EIF2AK1: variants seen among roughly 807,000 people sequenced by gnomAD.
EIF2AK1 encodes eukaryotic translation initiation factor 2-alpha kinase 1.
In EIF2AK1, 54 loss-of-function variants were observed where a neutral mutation model predicts 77.9. The ratio of observed to expected loss-of-function variants is 0.69; its 90% CI spans 0.56 to 0.87. The LOEUF (loss-of-function observed/expected upper bound fraction) is 0.87, where lower values mean the gene tolerates loss of function less well. Among genes scored for constraint, EIF2AK1 ranks in the 40% least tolerant of loss-of-function variants. EIF2AK1 has a pLI of 0.00. For synonymous variants in EIF2AK1, 314 were observed against 290.5 expected (o/e 1.08, Z -0.82); for missense variants, 810 against 768.6 (o/e 1.05, Z -0.64).
chr7:6,058,245 GC>G, intron 1 of EIF2AK1: 5 of 412,932 alleles, frequency 1.2e-5, no homozygotes, highest in African/African-American at 4.4e-5. Flanking sequence ...CCACATCTCT[GC>G]AAAAAAAAAA....
In EIF2AK1 at chr7:6,028,668, T is replaced by A; in HGVS notation, c.1477A>T (p.Thr493Ser). 2 of 1,614,226 alleles carry A rather than the reference T, an allele frequency of 1.2e-6. No homozygotes were observed. The highest frequency in any genetic ancestry group is 1.7e-6 in the Non-Finnish European group (2 of 1,180,020). ...RTPTHTSRVGTCLYASPEQLE... is the reference protein window; with the variant it reads ...RTPTHTSRVGSCLYASPEQLE... ...TGTTCGGGTGAAGCGTACAGACAAG[T>A]ACCCACTCTGGACGTATGTGTTGGT... Residue 493 changes from threonine (T) to serine (S), a missense_variant, in exon 13 of 15, where the codon ACT becomes TCT. Physicochemically the swap from Thr to Ser is moderately conservative, Grantham distance 58 (BLOSUM62 1). Around this residue, in one of 3 missense-constraint regions of EIF2AK1, gnomAD observed 549 missense variants for 533.7 expected, o/e 1.03. Transcript: ENST00000199389.
intron 8 of EIF2AK1, among the ~76,000 whole-genome samples, chr7:6,042,070 G>T (rs571107709): frequency 4.5e-4 from 68 of 152,050 alleles, no homozygotes; most frequent in African/African-American, 1.5e-3. Flanking sequence ...GATTGCCTGA[G>T]TCCAGGAGTT....
intron 12 of EIF2AK1, 79 bp from the exon 13 acceptor site, chr7:6,028,776 T>A: frequency 6.8e-7 from 1 of 1,460,588 alleles, no homozygotes; most frequent in South Asian, 1.2e-5. Context: ...GAGGAAGCAG[T>A]GTAGCTCCTA....
At chr7:6,046,225 G>A (rs559311179) in intron 5 of EIF2AK1, 74 bp from the exon 6 acceptor site, 189 of 810,124 alleles carry the variant, frequency 2.3e-4, no homozygotes, top group Non-Finnish European at 3.2e-4. Context: ...CTTTTAATCT[G>A]AGCTTAGACA....
chr7:6,037,225 T>C (rs577085649), intron 11 of EIF2AK1, among the ~76,000 whole-genome samples, 199 bp downstream of exon 11: 2 of 151,624 alleles, frequency 1.3e-5, no homozygotes, highest in South Asian at 4.2e-4. Flanking sequence ...AGCGAAATGC[T>C]GTCTCAAAAA....
intron 9 of EIF2AK1, among the ~76,000 whole-genome samples, chr7:6,040,090 T>A (rs932513372): frequency 1.3e-5 from 2 of 152,190 alleles, no homozygotes; most frequent in African/African-American, 4.8e-5. Context: ...TTTATTTTTT[T>A]ATTTTTTTTG....
At position 6,024,496 on chromosome 7, in the gene EIF2AK1, T is replaced by C. The variant is rs1478015279; in HGVS notation, c.*177A>G. ...ATATGGTTAATATTTAGGTAGGAAA[T>C]TCAGGAAAAGGAGCTTGTGGGGCAG... On this transcript the variant is annotated 3_prime_UTR_variant, in exon 15 of 15. Coordinates refer to ENST00000199389, the MANE Select transcript of EIF2AK1 (RefSeq NM_014413.4). 7.0e-7 allele frequency: 1 copy of C among 1,422,054 alleles called. No individual in the cohort carries two copies. Among genetic ancestry groups the C allele is most frequent in the East Asian group, 2.6e-5 (1 of 38,048 alleles). 88.1% of individuals were successfully genotyped at this position (1,422,054 alleles called of 1,614,324 possible). A position where few individuals can be genotyped will look rare whatever the true frequency, so the allele number is the denominator to read the frequency against.
Position 6,053,402 on chromosome 7 carries a change from G to A in EIF2AK1, c.277+1144C>T, listed in dbSNP as rs562958699. 3.9e-5 allele frequency among the ~76,000 whole-genome samples: 6 copies of A among 151,926 alleles called. 1 individual carries two copies. Among genetic ancestry groups the A allele is most frequent in the African/African-American group, 7.2e-5 (3 of 41,442 alleles). On this transcript the variant is annotated intron_variant, in intron 2 of 14. Transcript: ENST00000199389. ...TGTTGAGACTGAGTCTTGCTCTGTC[G>A]CCAGGCTGGTGTGCAATGGCGCGAT...
chr7:6,043,221 A>G (rs1302680941), intron 7 of EIF2AK1, among the ~76,000 whole-genome samples: 1 of 152,202 alleles, frequency 6.6e-6, no homozygotes, highest in Non-Finnish European at 1.5e-5. Flanking sequence ...AGGACTTGAC[A>G]GTAAATATTT....
Position 6,023,497 on chromosome 7 carries a change from C to G in EIF2AK1, c.*1176G>C. On this transcript the variant is annotated 3_prime_UTR_variant, in exon 15 of 15. Coordinates refer to ENST00000199389, the MANE Select transcript of EIF2AK1 (RefSeq NM_014413.4). Reference sequence around the variant, plus strand: ...CAGTAAAGAAAAAGCCGCTGTTTTCCGCTCCATGAACTCTGCTCTTGGGAA... The same window carrying G: ...CAGTAAAGAAAAAGCCGCTGTTTTCGGCTCCATGAACTCTGCTCTTGGGAA... 1 of 1,614,160 alleles carries G rather than the reference C, an allele frequency of 6.2e-7. No individual in the cohort carries two copies. The highest frequency in any genetic ancestry group is 2.2e-5 in the East Asian group (1 of 44,886).
chr7:6,032,815 A>C lies in EIF2AK1; in HGVS notation c.1333-3783T>G. ...TTTTAACTACACAGGGCCACTTGTA[A>C]TGTGTTTTGTTTTCCCTCCAAAGCC... On this transcript the variant is annotated intron_variant, in intron 11 of 14. Coordinates refer to ENST00000199389, the MANE Select transcript of EIF2AK1 (RefSeq NM_014413.4). The surrounding 1 kb of genome is among the most constrained non-coding windows in gnomAD (Gnocchi z 4.3). The C allele has an allele frequency of 6.5e-7, 1 of 1,533,048 alleles. No individual in the cohort carries two copies. The highest frequency in any genetic ancestry group is 8.8e-7 in the Non-Finnish European group (1 of 1,131,146). 95.0% of individuals were successfully genotyped at this position (1,533,048 alleles called of 1,614,324 possible).
At position 6,040,931 on chromosome 7, in the gene EIF2AK1, T is replaced by G. The variant is rs1291569634; in HGVS notation, c.1080A>C (p.Glu360Asp). The change falls in exon 9 of 15, where the codon GAA becomes GAC. Residue 360 changes from glutamate to aspartate, a missense_variant. This residue lies in a region of EIF2AK1 where 549 missense variants were observed against 533.7 expected (regional missense o/e 1.03). Transcript: ENST00000199389. ...AAAAGTTGACATTTTCTTCGGAAGA[T>G]TCTTCGGTGGATGTGAAACTCTCCT... ...HLEESFTSTE[E>D]SSEENVNFLG... 6.2e-7 allele frequency: 1 copy of G among 1,614,152 alleles called. No individual in the cohort carries two copies. The highest frequency in any genetic ancestry group is 1.7e-4 in the Middle Eastern group (1 of 6,060).
At chr7:6,048,876 T>C in intron 3 of EIF2AK1, 32 bp from the exon 4 acceptor site, 1 of 1,488,352 alleles carries the variant, frequency 6.7e-7, no homozygotes, top group Non-Finnish European at 9.2e-7. Context: ...TAAAAAGCAT[T>C]TTGAAAACTT....
At chr7:6,057,463 T>G (rs1057008786) in intron 1 of EIF2AK1, 3 of 152,118 alleles carry the variant, frequency 2.0e-5, no homozygotes, top group African/African-American at 7.2e-5. Context: ...GCAGTCATTC[T>G]ATTGGAATTA....
At chr7:6,042,242 G>A (rs1788319507) in intron 8 of EIF2AK1, among the ~76,000 whole-genome samples, 1 of 151,188 alleles carries the variant, frequency 6.6e-6, no homozygotes, top group Admixed American at 6.6e-5. Context: ...CCTGAGTTCA[G>A]GAGTTTGAGA....
intron 1 of EIF2AK1, among the ~76,000 whole-genome samples, chr7:6,057,235 C>T (rs1788805412): frequency 6.7e-6 from 1 of 149,822 alleles, no homozygotes; most frequent in Admixed American, 6.7e-5. Context: ...CGGACGACCC[C>T]ATCTCTTTAA....
intron 11 of EIF2AK1, among the ~76,000 whole-genome samples, chr7:6,034,229 C>T (rs572525611): frequency 1.6e-4 from 25 of 152,086 alleles, no homozygotes; most frequent in Middle Eastern, 3.4e-3. Context: ...ATCGCTTGAA[C>T]CCGTGAGGCA....
At chr7:6,048,279 C>T (rs1329500392) in intron 4 of EIF2AK1, among the ~76,000 whole-genome samples, 2 of 152,122 alleles carry the variant, frequency 1.3e-5, no homozygotes, top group South Asian at 2.1e-4. Flanking sequence ...CCACTATTTA[C>T]GTCTCTATGG....
At position 6,024,271 on chromosome 7, in the gene EIF2AK1, G is replaced by A. The variant is rs902311270; in HGVS notation, c.*402C>T. 3 of 1,210,512 alleles carry A rather than the reference G, an allele frequency of 2.5e-6. No individual in the cohort carries two copies. Among genetic ancestry groups the A allele is most frequent in the Non-Finnish European group, 2.1e-6 (2 of 956,408 alleles). The allele number at this position is 1,210,512 out of a possible 1,614,324, so 75.0% of individuals were successfully genotyped here. A position where few individuals can be genotyped will look rare whatever the true frequency, so the allele number is the denominator to read the frequency against. Reference sequence around the variant, plus strand: ...ATGAACTTCAGCTGCAGTGTGAAAGGGGCAGGAAGACTGGCAGCTGTCAAA... The same window carrying A: ...ATGAACTTCAGCTGCAGTGTGAAAGAGGCAGGAAGACTGGCAGCTGTCAAA... On this transcript the variant is annotated 3_prime_UTR_variant, in exon 15 of 15. Transcript: ENST00000199389.
Sources: allele counts gnomAD v4.1 joint callset (sites outside exome capture counted in the v4.1 genomes callset), GRCh38; gene constraint gnomAD v4.1.1; regional missense constraint gnomAD v4.1.1; non-coding constraint Gnocchi (gnomAD v3.1); transcripts MANE v1.5; gene names NCBI Gene and HGNC (gene_info 2026-07-23, HGNC 2026-07-21).